The following KALRN variants were observed in gnomAD, a reference collection of about 807,000 sequenced individuals.
KALRN encodes kalirin RhoGEF kinase.
In KALRN, 70 loss-of-function variants were observed where a neutral mutation model predicts 353.7. That is an observed-to-expected ratio of 0.20 (90% confidence interval 0.16 to 0.24). The LOEUF is 0.24. Among genes scored for constraint, KALRN ranks in the 10% least tolerant of loss-of-function variants. KALRN has a pLI of 1.00. For synonymous variants in KALRN, 1,391 were observed against 1,434.8 expected, an observed-to-expected ratio of 0.97 and a Z score of 0.69; for missense variants, 2,791 against 3,756.7, an observed-to-expected ratio of 0.74 and a Z score of 6.72.
At chr3:124,092,571 G>T (rs1271986364) in intron 1 of KALRN, among the ~76,000 whole-genome samples, 1 of 152,194 alleles carries the variant, frequency 6.6e-6, no homozygotes, top group Non-Finnish European at 1.5e-5. Context: ...CTCCCTCAGG[G>T]TTCCTGTTAG....
At chr3:124,592,753 A>G (rs1373906377) in intron 34 of KALRN, among the ~76,000 whole-genome samples, 1 of 152,190 alleles carries the variant, frequency 6.6e-6, no homozygotes, top group Non-Finnish European at 1.5e-5. Flanking sequence ...GCTGTAATCA[A>G]TGACTAATAG....
chr3:124,631,591 A>G (rs6764025), intron 34 of KALRN, among the ~76,000 whole-genome samples: 22,885 of 152,104 alleles, frequency 0.15, 1,787 homozygotes, highest in Middle Eastern at 0.25. Flanking sequence ...GATCACTTCT[A>G]ACAACCACTA....
intron 54 of KALRN, among the ~76,000 whole-genome samples, chr3:124,697,301 A>G (rs2062100521): frequency 1.3e-5 from 2 of 152,208 alleles, no homozygotes; most frequent in Non-Finnish European, 2.9e-5. Context: ...ACGAGAACGA[A>G]TCTTTGCTAA....
intron 1 of KALRN, among the ~76,000 whole-genome samples, chr3:124,065,063 T>C (rs928430185): frequency 5.3e-5 from 8 of 152,138 alleles, no homozygotes; most frequent in Non-Finnish European, 1.2e-4. Flanking sequence ...AGGAGCTACA[T>C]TGGGAAGGTG....
At chr3:124,440,814 G>GA (rs570915721) in intron 18 of KALRN, among the ~76,000 whole-genome samples, 11 of 151,618 alleles carry the variant, frequency 7.3e-5, no homozygotes, top group African/African-American at 7.3e-5. Context: ...TTTACAACCA[G>GA]AAAAAAAACC....
intron 5 of KALRN, among the ~76,000 whole-genome samples, chr3:124,285,099 C>T (rs540411083): frequency 3.9e-5 from 6 of 152,314 alleles, no homozygotes; most frequent in Non-Finnish European, 8.8e-5. Context: ...AAGCAAATCT[C>T]TCCTCAATTT....
chr3:124,239,374 TCA>T (rs1230273969), intron 3 of KALRN, among the ~76,000 whole-genome samples: 2 of 152,210 alleles, frequency 1.3e-5, no homozygotes, highest in African/African-American at 4.8e-5. Context: ...GAATTCCTCT[TCA>T]TCATCACTGT....
intron 1 of KALRN, among the ~76,000 whole-genome samples, chr3:124,073,816 CAT>C (rs1247767650): frequency 6.6e-6 from 1 of 152,142 alleles, no homozygotes; most frequent in African/African-American, 2.4e-5. Flanking sequence ...AACCTATGGA[CAT>C]AGCTACTATA....
chr3:124,708,058 G>A (rs974707621), intron 57 of KALRN, among the ~76,000 whole-genome samples: 3 of 152,160 alleles, frequency 2.0e-5, no homozygotes, highest in African/African-American at 7.2e-5. Flanking sequence ...ACTGAAAACT[G>A]AACTGACAAT....
chr3:124,674,012 A>G (rs73195565), intron 48 of KALRN, among the ~76,000 whole-genome samples: 4,239 of 152,240 alleles, frequency 0.028, 81 homozygotes, highest in East Asian at 0.078. Context: ...CATTCTGCCC[A>G]GGTGCTTACA....
chr3:124,667,519 C>G (rs986895845), intron 47 of KALRN, among the ~76,000 whole-genome samples: 4 of 152,160 alleles, frequency 2.6e-5, no homozygotes, highest in African/African-American at 9.7e-5. Flanking sequence ...CCAGGACCGG[C>G]TAGAAATGAT....
intron 1 of KALRN, among the ~76,000 whole-genome samples, chr3:124,103,088 A>T (rs1367528113): frequency 6.6e-6 from 1 of 152,140 alleles, no homozygotes; most frequent in African/African-American, 2.4e-5. Flanking sequence ...TACAGATGGG[A>T]AGAGCTCCAT....
intron 49 of KALRN, chr3:124,677,545 T>G (rs1201303518): frequency 2.2e-6 from 1 of 456,130 alleles, no homozygotes; most frequent in Admixed American, 2.4e-5. Context: ...AAGCCATATA[T>G]TCACAAACAC....
rs2073303734 is a variant in KALRN, at chr3:124,264,769, T to C, written c.456+79T>C. ...CACACATTTCTCACGTCCTCTTCTC[T>C]ATCTACCATACAGTATGTGACACCT... On this transcript the variant is annotated intron_variant, in intron 4 of 59. Transcript: ENST00000682506. 3.2e-6 allele frequency: 4 copies of C among 1,246,372 alleles called. 1 individual carries two copies. In the Middle Eastern group the frequency reaches 5.6e-4, roughly 175 times the overall value. The allele number at this position is 1,246,372 out of a possible 1,614,324, so 77.2% of individuals were successfully genotyped here.
intron 33 of KALRN, among the ~76,000 whole-genome samples, chr3:124,504,087 C>T (rs1014470928): frequency 3.3e-5 from 5 of 152,028 alleles, no homozygotes; most frequent in Admixed American, 2.0e-4. Context: ...CACTTGGACC[C>T]GCATAAAAAT....
At chr3:124,355,709 C>CTTTTT (rs3055894) in intron 10 of KALRN, among the ~76,000 whole-genome samples, 9,286 of 96,480 alleles carry the variant, frequency 0.096, 845 homozygotes, top group East Asian at 0.12. Flanking sequence ...TCTCTCCCAT[C>CTTTTT]TTTTTTTTTT....
intron 32 of KALRN, 117 bp downstream of exon 32, chr3:124,492,999 G>A: frequency 1.7e-6 from 2 of 1,156,274 alleles, no homozygotes; most frequent in Non-Finnish European, 2.4e-6. Flanking sequence ...CTCCAGGAAG[G>A]CCTGTGAGTT....
intron 33 of KALRN, among the ~76,000 whole-genome samples, chr3:124,510,315 A>G (rs1021506341): frequency 3.3e-5 from 5 of 152,188 alleles, no homozygotes; most frequent in Non-Finnish European, 7.3e-5. Context: ...TGGATCAAAC[A>G]GCAAGAGTGA....
intron 14 of KALRN, among the ~76,000 whole-genome samples, chr3:124,414,552 C>G (rs1311092708): frequency 1.3e-5 from 2 of 152,174 alleles, no homozygotes; most frequent in African/African-American, 4.8e-5. Flanking sequence ...ACTTCTTTTC[C>G]TGCTCAAGAT....
Sources: gnomAD v4.1 joint callset for allele counts (sites outside exome capture counted in the v4.1 genomes callset) on GRCh38, gnomAD v4.1.1 for gene constraint, MANE v1.5 for transcripts, NCBI Gene and HGNC (gene_info 2026-07-23, HGNC 2026-07-21) for gene names.